The following KCNK2 variants were observed in gnomAD, a reference collection of about 807,000 sequenced individuals.
KCNK2 encodes the protein potassium two pore domain channel subfamily K member 2.
Under a neutral mutation model 40.5 loss-of-function variants are expected in KCNK2, and 21 were observed. That is an observed-to-expected ratio of 0.52 (90% CI 0.37 to 0.75). The LOEUF (loss-of-function observed/expected upper bound fraction) is 0.75. Ranked by LOEUF, KCNK2 falls within the 30% of genes least tolerant of loss-of-function variation. The pLI, the probability that KCNK2 is intolerant of heterozygous loss-of-function variation, is 0.00. For synonymous variants in KCNK2, 191 were observed against 202.2 expected, an observed-to-expected ratio of 0.94 and a Z score of 0.47; for missense variants, 399 against 531.6, an observed-to-expected ratio of 0.75 and a Z score of 2.45.
At chr1:215,202,529 C>T (rs1665122200) in intron 6 of KCNK2, among the ~76,000 whole-genome samples, 2 of 152,200 alleles carry the variant, frequency 1.3e-5, no homozygotes, top group African/African-American at 2.4e-5. Flanking sequence ...GCAGTCATTT[C>T]TGCAGAACCA....
rs756401740 is a variant in KCNK2 at position 215,169,253 on chromosome 1, A to T, written c.530A>T (p.Tyr177Phe). 3 of 1,613,104 alleles carry T rather than the reference A, an allele frequency of 1.9e-6. No individual in the cohort carries two copies. Among genetic ancestry groups the T allele is most frequent in the South Asian group, 1.1e-5 (1 of 91,052 alleles). The change falls in exon 4 of 7, where the codon TAT (tyrosine) becomes TTT (phenylalanine). Residue 177 changes from tyrosine to phenylalanine, a missense_variant. Transcript: ENST00000444842. ...GGCGGCAAAATATTCTGTATCATCTATGCCTTACTGGGAATTCCCCTCTTT... is the reference window on the plus strand; with the variant it reads ...GGCGGCAAAATATTCTGTATCATCTTTGCCTTACTGGGAATTCCCCTCTTT... ...TEGGKIFCII[Y>F]ALLGIPLFGF...
At chr1:215,081,206 C>T (rs566937410), upstream of KCNK2, among the ~76,000 whole-genome samples, 12 of 149,326 alleles carry the variant, frequency 8.0e-5, no homozygotes, top group Admixed American at 8.0e-4. Context: ...TACATATGTT[C>T]CATTTCTCTA....
chr1:215,191,339 C>T (rs913063640), intron 5 of KCNK2, among the ~76,000 whole-genome samples: 1 of 151,216 alleles, frequency 6.6e-6, no homozygotes, highest in Non-Finnish European at 1.5e-5. Flanking sequence ...ATGGGTTGTT[C>T]TGTTGCCTAA....
At chr1:215,167,669 A>G (rs548695362) in intron 3 of KCNK2, among the ~76,000 whole-genome samples, 12 of 152,294 alleles carry the variant, frequency 7.9e-5, no homozygotes, top group South Asian at 2.1e-4. Context: ...TTGAATAAAA[A>G]TACTTTAAAG....
upstream of KCNK2, among the ~76,000 whole-genome samples, chr1:215,079,038 T>C (rs991777719): frequency 6.6e-6 from 1 of 152,206 alleles, no homozygotes; most frequent in Non-Finnish European, 1.5e-5. Context: ...ATGCTGCTAG[T>C]TGGAGCAGAA....
intron 5 of KCNK2, among the ~76,000 whole-genome samples, chr1:215,189,446 A>G (rs1289268603): frequency 6.6e-6 from 1 of 152,198 alleles, no homozygotes; most frequent in Non-Finnish European, 1.5e-5. Flanking sequence ...CCATCTTTAT[A>G]AAGGATGAGT....
intron 1 of KCNK2, among the ~76,000 whole-genome samples, chr1:215,050,599 T>C (rs1433364916): frequency 6.6e-6 from 1 of 152,182 alleles, no homozygotes; most frequent in East Asian, 1.9e-4. Context: ...ATGTACCAGA[T>C]AGTGATTCAA....
rs1016854267 is a variant in KCNK2 at position 215,044,822 on chromosome 1, T to C, written c.34+38867T>C. On this transcript the variant is annotated intron_variant, in intron 1 of 6. Coordinates refer to the KCNK2 transcript ENST00000391895. ...GTGTGTGTGTGTGTGTGTGTGTGTG[T>C]GTGTGCGCGCGCACACGTGTGTTGA... is the stretch of plus-strand genomic sequence containing the variant. Among the ~76,000 whole-genome samples the C allele has an allele frequency of 5.5e-3, 359 of 65,704 alleles. 1 individual carries two copies. Among genetic ancestry groups the C allele is most frequent in the African/African-American group, 0.016 (344 of 21,632 alleles). The allele number at this position is 65,704 out of a possible 152,430, so 43.1% of individuals were successfully genotyped here. A position where few individuals can be genotyped will look rare whatever the true frequency, so the allele number is the denominator to read the frequency against.
intron 1 of KCNK2, among the ~76,000 whole-genome samples, chr1:215,007,107 ATG>A (rs1321333344): frequency 3.1e-5 from 4 of 129,726 alleles, no homozygotes; most frequent in African/African-American, 9.1e-5. Flanking sequence ...ATGTATATAT[ATG>A]TGTGTATATA....
At chr1:215,186,798 G>A (rs1183995614) in intron 5 of KCNK2, among the ~76,000 whole-genome samples, 1 of 152,156 alleles carries the variant, frequency 6.6e-6, no homozygotes, top group Admixed American at 6.5e-5. Context: ...AGTGCTCAGT[G>A]TTCTGGGGCT....
intron 2 of KCNK2, among the ~76,000 whole-genome samples, chr1:215,087,564 A>T (rs945655110): frequency 6.6e-6 from 1 of 152,226 alleles, no homozygotes; most frequent in Non-Finnish European, 1.5e-5. Flanking sequence ...TCTCACAAGG[A>T]GTGACTTGAC....
chr1:215,134,822 C>T (rs1176312386), intron 3 of KCNK2, among the ~76,000 whole-genome samples: 1 of 152,050 alleles, frequency 6.6e-6, no homozygotes, highest in African/African-American at 2.4e-5. Context: ...AAAAGATCCT[C>T]CTAGTAACCC....
chr1:215,140,040 G>C (rs982895279), intron 3 of KCNK2, among the ~76,000 whole-genome samples: 2 of 152,044 alleles, frequency 1.3e-5, no homozygotes, highest in African/African-American at 4.8e-5. Context: ...AGTATCATTG[G>C]TCTTTATGGA....
rs141590113 is a variant in KCNK2 at position 215,149,739 on chromosome 1, G to A, written c.476-19460G>A. On this transcript the variant is annotated intron_variant, in intron 3 of 6. Transcript: ENST00000444842. ...CAGAAGAGATTTTGAAAGATAATCA[G>A]GAGTCACTAGTGGGATATCTTCATG... Among the ~76,000 whole-genome samples, 96 of 152,312 alleles carry A rather than the reference G, an allele frequency of 6.3e-4. 1 individual carries two copies. Among genetic ancestry groups the A allele is most frequent in the African/African-American group, 2.3e-3 (94 of 41,568 alleles).
chr1:215,229,555 T>A (rs1460231246), intron 6 of KCNK2, among the ~76,000 whole-genome samples: 1 of 151,948 alleles, frequency 6.6e-6, no homozygotes, highest in Non-Finnish European at 1.5e-5. Flanking sequence ...TCCAAGCTAC[T>A]TGGAAGGCTA....
chr1:215,070,871 G>T (rs187285367), intron 1 of KCNK2, among the ~76,000 whole-genome samples: 1 of 152,102 alleles, frequency 6.6e-6, no homozygotes, highest in Admixed American at 6.5e-5. Flanking sequence ...ATGCAATTAC[G>T]ATCAAATGTA....
At chr1:215,173,990 C>A (rs1013206515) in intron 5 of KCNK2, among the ~76,000 whole-genome samples, 2 of 152,174 alleles carry the variant, frequency 1.3e-5, no homozygotes, top group African/African-American at 4.8e-5. Flanking sequence ...TCCCATTTGT[C>A]AATTTTGGCT....
At chr1:215,173,463 A>T (rs935144109) in intron 5 of KCNK2, among the ~76,000 whole-genome samples, 1 of 152,216 alleles carries the variant, frequency 6.6e-6, no homozygotes, top group Non-Finnish European at 1.5e-5. Context: ...AGCATGATTT[A>T]TAATCCTTTG....
upstream of KCNK2, among the ~76,000 whole-genome samples, chr1:215,080,773 G>A (rs1359607173): frequency 2.0e-5 from 3 of 152,160 alleles, no homozygotes; most frequent in Non-Finnish European, 4.4e-5. Flanking sequence ...AAATTTCTGG[G>A]CAGCATGGAG....
Sources: gnomAD v4.1 joint callset for allele counts (sites outside exome capture counted in the v4.1 genomes callset) on GRCh38, gnomAD v4.1.1 for gene constraint, MANE v1.5 for transcripts, NCBI Gene and HGNC (gene_info 2026-07-23, HGNC 2026-07-21) for gene names.